Variants in CARS2 observed in about 807,000 individuals in gnomAD.
CARS2 encodes the protein cysteinyl-tRNA synthetase 2, mitochondrial, also known as probable cysteine--tRNA ligase, mitochondrial.
CARS2 carries 52 observed loss-of-function variants against 68.8 expected under a neutral mutation model. The observed-to-expected ratio is 0.76, with a 90% CI of 0.61 to 0.95. CARS2 has a LOEUF of 0.95. Ranked by LOEUF, CARS2 falls within the 40% of genes least tolerant of loss-of-function variation. The pLI is 0.00. For synonymous variants in CARS2, 314 were observed against 303.6 expected, an observed-to-expected ratio of 1.03 and a Z score of -0.36; for missense variants, 780 against 754.2, an observed-to-expected ratio of 1.03 and a Z score of -0.40.
At chr13:110,712,460 C>G (rs1163097291) in intron 1 of CARS2, 1 of 196,536 alleles carries the variant, frequency 5.1e-6, no homozygotes, top group Non-Finnish European at 1.1e-5. Flanking sequence ...CGCCCCGGAA[C>G]CAGAGAGCCA....
Position 110,695,914 on chromosome 13 carries a change from C to T in CARS2, c.393+5524G>A, listed in dbSNP as rs567994872. Among the ~76,000 whole-genome samples the T allele has an allele frequency of 2.0e-5, 3 of 152,176 alleles. No individual in the cohort carries two copies. The East Asian group carries it at 5.8e-4, about 29-fold the overall frequency. ...TCTACATTAGGTATTTCTCCTAATA[C>T]TATCCCTCCCCTAGCCCCCCAACCC... is the stretch of plus-strand genomic sequence containing the variant. On this transcript the variant is annotated intron_variant, in intron 3 of 14. Transcript: ENST00000257347.
intron 6 of CARS2, among the ~76,000 whole-genome samples, chr13:110,682,480 T>C (rs994117136): frequency 6.6e-6 from 1 of 152,210 alleles, no homozygotes; most frequent in Non-Finnish European, 1.5e-5. Context: ...AAACCAGAAA[T>C]ACCTTGAACA....
chr13:110,654,950 AAG>A (rs34692569), intron 9 of CARS2, among the ~76,000 whole-genome samples: 10,855 of 139,068 alleles, frequency 0.078, 544 homozygotes, highest in East Asian at 0.16. Flanking sequence ...AAGAAAAAAA[AAG>A]AAAAAGAAAA....
chr13:110,686,028 AAG>A (rs1014383034), intron 5 of CARS2, among the ~76,000 whole-genome samples: 3 of 151,954 alleles, frequency 2.0e-5, no homozygotes, highest in Non-Finnish European at 4.4e-5. Flanking sequence ...GAAAAAAAGA[AAG>A]AGGAGGGGAA....
intron 8 of CARS2, chr13:110,664,998 T>C (rs1012902372): frequency 2.0e-6 from 2 of 985,198 alleles, no homozygotes; most frequent in African/African-American, 1.7e-5. Flanking sequence ...GCTGGGATAG[T>C]GTCTGCCCAC....
intron 5 of CARS2, among the ~76,000 whole-genome samples, chr13:110,685,105 T>C (rs1329685866): frequency 6.6e-6 from 1 of 152,122 alleles, no homozygotes; most frequent in East Asian, 1.9e-4. Flanking sequence ...GGCCCACATA[T>C]CTTATTTCAA....
chr13:110,663,384 A>G (rs770734361), intron 9 of CARS2, 67 bp downstream of exon 9: 1 of 1,491,004 alleles, frequency 6.7e-7, no homozygotes, highest in Non-Finnish European at 9.1e-7. Context: ...CAAATGACAC[A>G]GAAGCCTTTA....
chr13:110,682,704 T>C (rs568136863), intron 6 of CARS2, among the ~76,000 whole-genome samples: 1 of 152,270 alleles, frequency 6.6e-6, no homozygotes, highest in South Asian at 2.1e-4. Flanking sequence ...GAATTAAATG[T>C]ACGGTAACAC....
At chr13:110,677,155 C>A (rs761963870) in intron 6 of CARS2, 52 bp from the exon 7 acceptor site, 1 of 1,539,848 alleles carries the variant, frequency 6.5e-7, no homozygotes, top group South Asian at 1.2e-5. Context: ...CACCCCACCA[C>A]GGATGCTCAG....
At position 110,653,386 on chromosome 13, in the gene CARS2, C is replaced by T. The variant is rs1483257502; in HGVS notation, c.988-2286G>A. ...CGCAACTCGCAGGCTTACTTGACAC[C>T]CTCCCTCACCCGAGGTGCTGTGGTT... On this transcript the variant is annotated intron_variant, in intron 9 of 14. Transcript: ENST00000257347. The surrounding 1 kb of genome is among the most constrained non-coding windows in gnomAD (Gnocchi z 5.6). Among the ~76,000 whole-genome samples, 1 of 152,164 alleles carries T rather than the reference C, an allele frequency of 6.6e-6. No individual in the cohort carries two copies. The highest frequency in any genetic ancestry group is 1.5e-5 in the Non-Finnish European group (1 of 68,050).
rs563337696 is a variant in CARS2 at position 110,692,412 on chromosome 13, G to A, written c.394-4394C>T. On this transcript the variant is annotated intron_variant, in intron 3 of 14. Transcript: ENST00000257347. ...CCTGAACCCGGGAGGCGGAGGTTGC[G>A]GTGAGCTGAGATTGTGCCATTGCAC... is the stretch of plus-strand genomic sequence containing the variant. 2.7e-5 allele frequency among the ~76,000 whole-genome samples: 4 copies of A among 150,906 alleles called. No homozygotes were observed. In the East Asian group the frequency reaches 5.9e-4, roughly 22 times the overall value.
intron 1 of CARS2, chr13:110,713,120 C>A: frequency 7.0e-7 from 1 of 1,430,004 alleles, no homozygotes; most frequent in African/African-American, 1.4e-5. Flanking sequence ...AGTAAGAGTC[C>A]GGGGGGCATT....
intron 9 of CARS2, among the ~76,000 whole-genome samples, chr13:110,657,885 G>T (rs2062410166): frequency 6.6e-6 from 1 of 152,186 alleles, no homozygotes; most frequent in Non-Finnish European, 1.5e-5. Flanking sequence ...AGGACAACCT[G>T]ACCTTGCAGC....
upstream of CARS2, chr13:110,706,118 G>A: frequency 1.6e-6 from 2 of 1,289,510 alleles, no homozygotes; most frequent in African/African-American, 1.6e-5. Context: ...CCTACGACTG[G>A]GCGGAGACGG....
chr13:110,676,879 C>T lies in CARS2; in HGVS notation c.785+95G>A. ...AAAAATCACCCATGGGCACACGTGC[C>T]AGGCTGCACCTGCTCCCATGCACAT... On this transcript the variant is annotated intron_variant, in intron 7 of 14. Coordinates refer to ENST00000257347, the MANE Select transcript of CARS2 (RefSeq NM_024537.4). This position sits in a 1 kb window ranked among gnomAD's most constrained non-coding sequence, Gnocchi z 4.0. 2 of 1,397,710 alleles carry T rather than the reference C, an allele frequency of 1.4e-6. No homozygotes were observed. Among genetic ancestry groups the T allele is most frequent in the South Asian group, 3.1e-5 (2 of 64,144 alleles). 86.6% of individuals were successfully genotyped at this position (1,397,710 alleles called of 1,614,324 possible).
intron 10 of CARS2, among the ~76,000 whole-genome samples, chr13:110,647,649 G>GCC (rs149351739): frequency 1.2e-3 from 186 of 152,298 alleles, no homozygotes; most frequent in African/African-American, 4.3e-3. Flanking sequence ...TCTAGGGAAG[G>GCC]CCCTCCCGAG....
chr13:110,667,371 G>C lies in CARS2; in HGVS notation c.888C>G (p.Cys296Trp). ...EIAQCEVFHQCEQWGNYFLHS... is the reference protein window; with the variant it reads ...EIAQCEVFHQWEQWGNYFLHS... ...GCAGAAAATAATTTCCCCACTGCTC[G>C]CACTGATGAAAGACTTCGCACTGTG... Residue 296 changes from cysteine to tryptophan, a missense_variant, in exon 8 of 15, where the codon TGC (cysteine) becomes TGG (tryptophan). Physicochemically the swap from Cys to Trp is radical, Grantham distance 215. Coordinates refer to ENST00000257347, the MANE Select transcript of CARS2 (RefSeq NM_024537.4). 6.2e-7 allele frequency: 1 copy of C among 1,613,328 alleles called. No homozygotes were observed. The highest frequency in any genetic ancestry group is 1.1e-5 in the South Asian group (1 of 90,908).
Position 110,646,044 on chromosome 13 carries a change from A to C in CARS2, c.1240T>G (p.Phe414Val). The C allele has an allele frequency of 6.2e-7, 1 of 1,613,946 alleles. No homozygotes were observed. Among genetic ancestry groups the C allele is most frequent in the Non-Finnish European group, 8.5e-7 (1 of 1,179,968 alleles). The change falls in exon 12 of 15, where the codon TTT (phenylalanine) becomes GTT (valine). Residue 414 changes from phenylalanine to valine, a missense_variant. Coordinates refer to ENST00000257347, the MANE Select transcript of CARS2 (RefSeq NM_024537.4). ...RAVKAALADD[F>V]DTPRVVDAIL... ...GCATCAACCACCCTGGGTGTGTCAA[A>C]ATCATCTGCCAAGGCCGCCTTCACG...
chr13:110,668,818 A>G lies in CARS2; in HGVS notation c.786-1345T>C, dbSNP rs1050442448. 6.6e-6 allele frequency among the ~76,000 whole-genome samples: 1 copy of G among 152,236 alleles called. No homozygotes were observed. Among genetic ancestry groups the G allele is most frequent in the Non-Finnish European group, 1.5e-5 (1 of 68,044 alleles). The stretch of plus-strand genomic sequence containing the variant: ...CGTTACACCTATTTTAAAATCAGAG[A>G]AGGCTCAGAAGGAACAACAATAATG... On this transcript the variant is annotated intron_variant, in intron 7 of 14. Transcript: ENST00000257347. The surrounding 1 kb of genome is among the most constrained non-coding windows in gnomAD (Gnocchi z 4.1).
Sources: allele counts gnomAD v4.1 joint callset (sites outside exome capture counted in the v4.1 genomes callset), GRCh38; gene constraint gnomAD v4.1.1; non-coding constraint Gnocchi (gnomAD v3.1); transcripts MANE v1.5; gene names NCBI Gene and HGNC (gene_info 2026-07-23, HGNC 2026-07-21).